Variants in ATG4B observed in about 807,000 individuals in gnomAD.
ATG4B encodes cysteine protease ATG4B.
In ATG4B, 29 loss-of-function variants were observed where a neutral mutation model predicts 56.6. The observed-to-expected ratio is 0.51, with a 90% CI of 0.38 to 0.70. The LOEUF (loss-of-function observed/expected upper bound fraction) is 0.70, where lower values mean the gene tolerates loss of function less well. ATG4B is among the 30% of genes least tolerant of loss of function. The pLI is 0.00. For missense variants in ATG4B, 461 were observed against 515.5 expected (o/e 0.89, Z 1.02); for synonymous variants, 224 against 206.1 (o/e 1.09, Z -0.74).
In ATG4B at chr2:241,668,766, G is replaced by GC. The variant is rs201704778; in HGVS notation, c.957+82dup. ...TGACGAGGAAAACTTTCGGATTTTT[G>GC]CGTTTTTTTTTTCAGCATGTTGGGA... On this transcript the variant is annotated intron_variant, in intron 10 of 12. Coordinates refer to ENST00000404914, the MANE Select transcript of ATG4B (RefSeq NM_013325.5). This position sits in a 1 kb window ranked among gnomAD's most constrained non-coding sequence, Gnocchi z 4.2. The GC allele has an allele frequency of 0.016, 24,025 of 1,498,602 alleles. 348 individuals are homozygous for GC. The highest frequency in any genetic ancestry group is 0.16 in the East Asian group (6,354 of 40,286). 92.8% of individuals were successfully genotyped at this position (1,498,602 alleles called of 1,614,324 possible).
intron 1 of ATG4B, 123 bp from the exon 2 acceptor site, chr2:241,650,887 G>C (rs1417755692): frequency 5.2e-6 from 4 of 774,376 alleles, no homozygotes; most frequent in Non-Finnish European, 8.4e-6. Flanking sequence ...ACGAGAGGGA[G>C]TGCTGCTGTT....
Position 241,672,425 on chromosome 2 carries a change from A to G in ATG4B, c.*161A>G, listed in dbSNP as rs1241128840. ...GTGGACTGAGGCTGCGCTGCCCGGG[A>G]GGCCTTACTGCTTGGTGTCAGACTG... is the stretch of plus-strand genomic sequence containing the variant. On this transcript the variant is annotated 3_prime_UTR_variant, in exon 13 of 13. Coordinates refer to ENST00000404914, the MANE Select transcript of ATG4B (RefSeq NM_013325.5). 6.0e-6 allele frequency: 4 copies of G among 666,454 alleles called. No homozygotes were observed. The East Asian group carries it at 1.1e-4, about 18-fold the overall frequency. The allele number at this position is 666,454 out of a possible 1,614,324, so 41.3% of individuals were successfully genotyped here.
At chr2:241,644,836 C>T (rs1256909596) in intron 1 of ATG4B, among the ~76,000 whole-genome samples, 3 of 151,896 alleles carry the variant, frequency 2.0e-5, no homozygotes, top group African/African-American at 7.3e-5. Context: ...GTAATCCCAG[C>T]TACTCGGGAG....
chr2:241,651,158 A>G lies in ATG4B; in HGVS notation c.112+47A>G. On this transcript the variant is annotated intron_variant, in intron 2 of 12. Coordinates refer to ENST00000404914, the MANE Select transcript of ATG4B (RefSeq NM_013325.5). This position sits in a 1 kb window ranked among gnomAD's most constrained non-coding sequence, Gnocchi z 4.1. The stretch of plus-strand genomic sequence containing the variant: ...ACCCTGGTCTGACCGCTTGGCCTGC[A>G]GAAGCATTTTGTGATCACTGTTCTC... The G allele has an allele frequency of 1.3e-6, 2 of 1,576,796 alleles. No homozygotes were observed. The highest frequency in any genetic ancestry group is 2.7e-5 in the African/African-American group (2 of 74,188).
intron 1 of ATG4B, among the ~76,000 whole-genome samples, chr2:241,639,551 C>T (rs1280318894): frequency 1.3e-5 from 2 of 152,152 alleles, no homozygotes; most frequent in Non-Finnish European, 2.9e-5. Context: ...GTCCCACGTC[C>T]AAGAAGAATG....
rs1208304527 is a variant in ATG4B, at chr2:241,654,622, C to G, written c.360C>G (p.Asp120Glu). 6.2e-7 allele frequency: 1 copy of G among 1,600,390 alleles called. No individual in the cohort carries two copies. The highest frequency in any genetic ancestry group is 1.7e-5 in the Admixed American group (1 of 57,974). Residue 120 changes from aspartate (D) to glutamate (E), a missense_variant, in exon 5 of 13, where the codon GAC (aspartate) becomes GAG (glutamate). By Grantham distance (45) the Asp-to-Glu change is conservative. Transcript: ENST00000404914. Reference protein sequence around the residue: ...SVLNAFIDRKDSYYSIHQIAQ... With the variant: ...SVLNAFIDRKESYYSIHQIAQ... ...TCAACGCATTCATCGACAGGAAGGA[C>G]AGTTACTACTCCATTCACCAGATAG... is the stretch of plus-strand genomic sequence containing the variant.
chr2:241,646,035 G>A (rs1281489946), intron 1 of ATG4B, among the ~76,000 whole-genome samples: 1 of 152,162 alleles, frequency 6.6e-6, no homozygotes, highest in Non-Finnish European at 1.5e-5. Context: ...CTCCTTGATG[G>A]TTTATACAGT....
chr2:241,654,388 T>C (rs1183293226), intron 4 of ATG4B, among the ~76,000 whole-genome samples, 158 bp from the exon 5 acceptor site: 1 of 133,892 alleles, frequency 7.5e-6, no homozygotes, highest in Non-Finnish European at 1.5e-5. Flanking sequence ...GCCATTGCAC[T>C]CCATCCTGGG....
At chr2:241,659,451 A>T (rs1405814906) in intron 7 of ATG4B, 1 of 528,078 alleles carries the variant, frequency 1.9e-6, no homozygotes, top group South Asian at 1.7e-5. Flanking sequence ...TTGGTTACAA[A>T]TCGTTTATGA....
chr2:241,666,261 G>A lies in ATG4B; in HGVS notation c.539-384G>A, dbSNP rs148017802. Among the ~76,000 whole-genome samples the A allele has an allele frequency of 4.5e-3, 686 of 152,338 alleles. 5 individuals carry two copies. Among genetic ancestry groups the A allele is most frequent in the African/African-American group, 0.014 (600 of 41,584 alleles). ...GTGTGTAGGCAGAAGGGGTGGAAGC[G>A]AGGAAAGGCGTTGCTGAGGAGGCCC... is the stretch of plus-strand genomic sequence containing the variant. On this transcript the variant is annotated intron_variant, in intron 7 of 12. Transcript: ENST00000404914.
intron 10 of ATG4B, among the ~76,000 whole-genome samples, chr2:241,669,056 C>T (rs553455289): frequency 4.9e-5 from 5 of 101,538 alleles, no homozygotes; most frequent in South Asian, 7.0e-4. Flanking sequence ...GCACCACCTT[C>T]GTCACACCCA....
At chr2:241,664,399 A>G (rs1015039348) in intron 7 of ATG4B, among the ~76,000 whole-genome samples, 5 of 152,194 alleles carry the variant, frequency 3.3e-5, no homozygotes, top group African/African-American at 4.8e-5. Flanking sequence ...CTAGCCGGAC[A>G]TGGGGGCATG....
intron 10 of ATG4B, among the ~76,000 whole-genome samples, chr2:241,670,266 C>T (rs1227277599): frequency 6.6e-6 from 1 of 151,888 alleles, no homozygotes; most frequent in African/African-American, 2.4e-5. Context: ...CTCCTGGCTC[C>T]TCAGCAGGAG....
intron 10 of ATG4B, among the ~76,000 whole-genome samples, chr2:241,670,148 T>C (rs1486193885): frequency 6.6e-6 from 1 of 152,222 alleles, no homozygotes; most frequent in Non-Finnish European, 1.5e-5. Flanking sequence ...TCGTTTCTTT[T>C]TGTGTTAACA....
chr2:241,641,063 A>G (rs2067872096), intron 1 of ATG4B, among the ~76,000 whole-genome samples: 1 of 152,248 alleles, frequency 6.6e-6, no homozygotes, highest in Non-Finnish European at 1.5e-5. Flanking sequence ...CAGCGAGACC[A>G]GCTAAGAGAC....
intron 10 of ATG4B, among the ~76,000 whole-genome samples, chr2:241,669,966 C>T (rs924361279): frequency 2.0e-5 from 3 of 152,132 alleles, no homozygotes; most frequent in South Asian, 2.1e-4. Flanking sequence ...GGAGTGGACG[C>T]GTGAACGTTG....
At chr2:241,659,270 G>A (rs1559263035) in intron 7 of ATG4B, 83 bp downstream of exon 7, 1 of 1,260,368 alleles carries the variant, frequency 7.9e-7, no homozygotes, top group African/African-American at 1.5e-5. Flanking sequence ...CCCCACGGGA[G>A]CCTCGGCGAG....
chr2:241,655,587 A>G, intron 6 of ATG4B: 1 of 548,694 alleles, frequency 1.8e-6, no homozygotes, highest in Non-Finnish European at 3.2e-6. Context: ...TCTTTGCTGC[A>G]TGGATCCACC....
At chr2:241,652,559 G>A (rs140897736) in intron 3 of ATG4B, among the ~76,000 whole-genome samples, 7,641 of 152,190 alleles carry the variant, frequency 0.05, 376 homozygotes, top group African/African-American at 0.13. Context: ...ATGGGGTTTC[G>A]CTATGTTGCC....
Sources: allele counts gnomAD v4.1 joint callset (sites outside exome capture counted in the v4.1 genomes callset), GRCh38; gene constraint gnomAD v4.1.1; non-coding constraint Gnocchi (gnomAD v3.1); transcripts MANE v1.5; gene names NCBI Gene and HGNC (gene_info 2026-07-23, HGNC 2026-07-21).